Variants in ERI2 observed in about 807,000 individuals in gnomAD.
The protein encoded by ERI2 is ERI1 exoribonuclease 2.
In ERI2, 35 loss-of-function variants were observed where a neutral mutation model predicts 46.8. The ratio of observed to expected loss-of-function variants is 0.75; its 90% CI spans 0.57 to 0.99. The LOEUF (loss-of-function observed/expected upper bound fraction) is 0.99. Ranked by LOEUF, ERI2 falls within the 50% of genes least tolerant of loss-of-function variation. The pLI is 0.00. For synonymous variants in ERI2, 224 were observed against 271.0 expected (o/e 0.83, Z 1.70); for missense variants, 695 against 796.2 (o/e 0.87, Z 1.53).
At position 20,796,534 on chromosome 16, in the gene ERI2, A is replaced by G; in HGVS notation, c.*1190T>C. ...CGAATATTTGCTCAGTGTTGTGGAC[A>G]ATTTCAAGTGTTTATTTTTACATTT... On this transcript the variant is annotated 3_prime_UTR_variant, in exon 9 of 9. Transcript: ENST00000357967. The G allele has an allele frequency of 4.4e-6, 7 of 1,599,068 alleles. No individual in the cohort carries two copies. Among genetic ancestry groups the G allele is most frequent in the Non-Finnish European group, 5.9e-6 (7 of 1,176,744 alleles).
downstream of ERI2, chr16:20,791,888 A>G: frequency 1.6e-6 from 2 of 1,250,014 alleles, no homozygotes; most frequent in Non-Finnish European, 1.1e-6. Flanking sequence ...AGATCGTACT[A>G]CTGCACTCCA....
In ERI2 at chr16:20,797,937, A is replaced by T; in HGVS notation, c.1863T>A (p.Cys621Ter). 6.4e-7 allele frequency: 1 copy of T among 1,551,890 alleles called. No individual in the cohort carries two copies. The highest frequency in any genetic ancestry group is 8.7e-7 in the Non-Finnish European group (1 of 1,146,986). Residue 621 changes from cysteine (C) to a stop codon, truncating the protein, a stop_gained, in exon 9 of 9, where the codon TGT (cysteine) becomes TGA (stop). Coordinates refer to ENST00000357967, the MANE Select transcript of ERI2 (RefSeq NM_001142725.2). LOFTEE classifies it high-confidence loss of function. ...TTTCTTGGTATTTCCCGATAGGGCA[A>T]CAATAGAAGACTTTTCCATGGTTCG... ...NGPNHGKVFY[C>*]CPIGKYQENR...
At chr16:20,781,830 G>A in intron 10 of ERI2, 1 of 1,427,592 alleles carries the variant, frequency 7.0e-7, no homozygotes, top group Non-Finnish European at 9.9e-7. Context: ...GGAGAGGGGA[G>A]AAGAGGAAGC....
intron 10 of ERI2, among the ~76,000 whole-genome samples, chr16:20,789,244 A>G (rs542364389): frequency 6.6e-6 from 1 of 152,312 alleles, no homozygotes; most frequent in African/African-American, 2.4e-5. Context: ...TTCCAGCTCA[A>G]TCATGCACAG....
At chr16:20,792,803 G>A, downstream of ERI2, 6 of 724,124 alleles carry the variant, frequency 8.3e-6, no homozygotes, top group Non-Finnish European at 1.0e-5. Context: ...AGGTAAATAA[G>A]TAGAGATTTC....
At chr16:20,789,990 G>T (rs568466690) in intron 9 of ERI2, among the ~76,000 whole-genome samples, 1 of 151,602 alleles carries the variant, frequency 6.6e-6, no homozygotes, top group African/African-American at 2.4e-5. Flanking sequence ...CCTATTTTTC[G>T]ATTTATCTAT....
intron 10 of ERI2, among the ~76,000 whole-genome samples, chr16:20,787,708 T>C (rs910570068): frequency 2.0e-5 from 3 of 152,240 alleles, no homozygotes; most frequent in African/African-American, 7.2e-5. Flanking sequence ...TGTGGAAACC[T>C]GGTCTCAAGA....
intron 10 of ERI2, chr16:20,781,856 C>A: frequency 8.1e-7 from 1 of 1,241,778 alleles, no homozygotes; most frequent in Non-Finnish European, 1.2e-6. Flanking sequence ...AATAAAAGAT[C>A]TTTCTGCCTG....
intron 10 of ERI2, among the ~76,000 whole-genome samples, chr16:20,783,894 G>A (rs943512616): frequency 2.6e-5 from 4 of 151,086 alleles, no homozygotes; most frequent in East Asian, 1.9e-4. Context: ...TGCAACCTCC[G>A]CCTCCTGTTC....
chr16:20,794,547 G>A (rs2080677995), downstream of ERI2, among the ~76,000 whole-genome samples: 2 of 152,080 alleles, frequency 1.3e-5, no homozygotes, highest in Non-Finnish European at 2.9e-5. Flanking sequence ...ATATTGAATG[G>A]CACAGCCATA....
chr16:20,797,163 G>A lies in ERI2; in HGVS notation c.*561C>T. On this transcript the variant is annotated 3_prime_UTR_variant, in exon 9 of 9. Coordinates refer to ENST00000357967, the MANE Select transcript of ERI2 (RefSeq NM_001142725.2). ...ATATTTGGCAAATTCCTCCACATTA[G>A]TGTCAATGTTCCTATCATTTCTTAA... The A allele has an allele frequency of 1.5e-6, 2 of 1,333,622 alleles. No individual in the cohort carries two copies. Among genetic ancestry groups the A allele is most frequent in the South Asian group, 1.9e-5 (1 of 51,700 alleles). The allele number at this position is 1,333,622 out of a possible 1,614,324, so 82.6% of individuals were successfully genotyped here. A position where few individuals can be genotyped will look rare whatever the true frequency, so the allele number is the denominator to read the frequency against.
downstream of ERI2, among the ~76,000 whole-genome samples, chr16:20,793,421 A>G (rs1170268403): frequency 6.6e-6 from 1 of 152,224 alleles, no homozygotes; most frequent in African/African-American, 2.4e-5. Flanking sequence ...GTGAGCCAAG[A>G]TCGTGCCACT....
chr16:20,798,884 C>G lies in ERI2; in HGVS notation c.916G>C (p.Ala306Pro), dbSNP rs1036047509. 6.5e-7 allele frequency: 1 copy of G among 1,550,324 alleles called. No homozygotes were observed. Among genetic ancestry groups the G allele is most frequent in the South Asian group, 1.2e-5 (1 of 83,598 alleles). ...TTTACTTGTAATTGATCCTGTTGTG[C>G]CTTTATAGGAGAATTTGCACAAATT... The part of the protein sequence containing the change: ...KSICANSPIK[A>P]QQDQLQVKNN... Residue 306 changes from alanine (A) to proline (P), a missense_variant, in exon 9 of 9, where the codon GCA becomes CCA. Ala to Pro is a conservative substitution (Grantham distance 27, BLOSUM62 -1). Transcript: ENST00000357967.
At chr16:20,784,418 T>C (rs1028564180) in intron 10 of ERI2, 1 of 152,496 alleles carries the variant, frequency 6.6e-6, no homozygotes, top group Non-Finnish European at 1.5e-5. Flanking sequence ...TCATTTTTCA[T>C]AGCTGTATAG....
chr16:20,788,344 C>G (rs542074932), intron 10 of ERI2, among the ~76,000 whole-genome samples: 1 of 152,330 alleles, frequency 6.6e-6, no homozygotes, highest in Admixed American at 6.5e-5. Flanking sequence ...CTATCAGGGT[C>G]TTACAGGCAC....
At chr16:20,791,054 T>C in intron 8 of ERI2, 3 of 961,318 alleles carry the variant, frequency 3.1e-6, no homozygotes, top group Non-Finnish European at 3.1e-6. Flanking sequence ...GGACAGGGGA[T>C]GCGGGGGTGG....
downstream of ERI2, among the ~76,000 whole-genome samples, chr16:20,795,517 A>G (rs1049001800): frequency 1.1e-4 from 16 of 152,244 alleles, no homozygotes; most frequent in African/African-American, 3.9e-4. Context: ...GTGGATAGGA[A>G]ATGTTGCCAG....
Position 20,790,903 on chromosome 16 carries a change from C to G in ERI2, c.762G>C (p.Trp254Cys), listed in dbSNP as rs780051392. Residue 254 changes from tryptophan to cysteine, a missense_variant, in exon 9 of 11, where the codon TGG (tryptophan) becomes TGC (cysteine). Coordinates refer to the ERI2 transcript ENST00000300005. The surrounding 1 kb of genome is among the most constrained non-coding windows in gnomAD (Gnocchi z 4.0). ...GGTCCCCTGAGGCCAGATCACTGTT[C>G]CAGGTCCACGAAGGCAAGAGGAAGG... 2.5e-6 allele frequency: 4 copies of G among 1,614,074 alleles called. No homozygotes were observed. The highest frequency in any genetic ancestry group is 3.4e-6 in the Non-Finnish European group (4 of 1,179,980).
rs750707571 is a variant in ERI2, at chr16:20,796,510, G to T, written c.*1214C>A. 2 of 1,608,772 alleles carry T rather than the reference G, an allele frequency of 1.2e-6. No homozygotes were observed. Among genetic ancestry groups the T allele is most frequent in the South Asian group, 1.1e-5 (1 of 89,910 alleles). On this transcript the variant is annotated 3_prime_UTR_variant, in exon 9 of 9. Transcript: ENST00000357967. ...GAAAGGTAGGCATCCTAATTATAAC[G>T]AATATTTGCTCAGTGTTGTGGACAA...
Sources: gnomAD v4.1 joint callset for allele counts (sites outside exome capture counted in the v4.1 genomes callset) on GRCh38, gnomAD v4.1.1 for gene constraint, Gnocchi (gnomAD v3.1) non-coding constraint, MANE v1.5 for transcripts, NCBI Gene and HGNC (gene_info 2026-07-23, HGNC 2026-07-21) for gene names.